The following ST18 variants were observed in gnomAD, a reference collection of about 807,000 sequenced individuals.
The protein encoded by ST18 is ST18 C2H2C-type zinc finger transcription factor, also known as suppression of tumorigenicity 18 protein.
In ST18, 50 loss-of-function variants were observed where a neutral mutation model predicts 110.0. The ratio of observed to expected loss-of-function variants is 0.45; its 90% CI spans 0.36 to 0.58. The LOEUF (loss-of-function observed/expected upper bound fraction) is 0.58, where lower values mean the gene tolerates loss of function less well. Among genes scored for constraint, ST18 ranks in the 20% least tolerant of loss-of-function variants. ST18 has a pLI of 0.00. For synonymous variants in ST18, 461 were observed against 452.4 expected, an observed-to-expected ratio of 1.02 and a Z score of -0.24; for missense variants, 1,306 against 1,280.1, an observed-to-expected ratio of 1.02 and a Z score of -0.31.
intron 8 of ST18, among the ~76,000 whole-genome samples, chr8:52,207,203 A>G (rs545660209): frequency 6.6e-6 from 1 of 152,354 alleles, no homozygotes; most frequent in African/African-American, 2.4e-5. Context: ...ATCTATAACT[A>G]GGCCAGGCAT....
intron 2 of ST18, among the ~76,000 whole-genome samples, chr8:52,234,066 T>C (rs913362235): frequency 1.3e-5 from 2 of 152,236 alleles, no homozygotes; most frequent in African/African-American, 4.8e-5. Flanking sequence ...CTTGGTTTTC[T>C]GTCCAAGGTA....
intron 23 of ST18, among the ~76,000 whole-genome samples, chr8:52,122,374 G>T (rs2045278456): frequency 6.6e-6 from 1 of 151,946 alleles, no homozygotes; most frequent in Non-Finnish European, 1.5e-5. Flanking sequence ...CAACTTATGA[G>T]GCTTTAAGTA....
chr8:52,192,730 C>T (rs1367418043), intron 8 of ST18, among the ~76,000 whole-genome samples: 1 of 152,182 alleles, frequency 6.6e-6, no homozygotes, highest in African/African-American at 2.4e-5. Flanking sequence ...CCAGTGACTA[C>T]TTAAAGGATT....
At chr8:52,130,014 C>G (rs752099136) in intron 22 of ST18, among the ~76,000 whole-genome samples, 17 of 150,294 alleles carry the variant, frequency 1.1e-4, no homozygotes, top group Non-Finnish European at 2.4e-4. Context: ...CCACTGCACT[C>G]CAGCATGGGC....
intron 16 of ST18, among the ~76,000 whole-genome samples, chr8:52,143,580 G>C (rs766966416): frequency 6.6e-6 from 1 of 152,202 alleles, no homozygotes; most frequent in African/African-American, 2.4e-5. Context: ...AAGTGTAATT[G>C]ATATGGAACA....
At chr8:52,123,773 T>C (rs746595385) in intron 23 of ST18, among the ~76,000 whole-genome samples, 2 of 152,228 alleles carry the variant, frequency 1.3e-5, no homozygotes, top group East Asian at 3.8e-4. Context: ...TGCAAGTCTA[T>C]TGTGGGTTCA....
intron 15 of ST18, among the ~76,000 whole-genome samples, chr8:52,154,041 A>C (rs879808845): frequency 2.0e-5 from 3 of 152,234 alleles, no homozygotes; most frequent in Non-Finnish European, 4.4e-5. Flanking sequence ...GAATACGAAA[A>C]GAGACATGTT....
intron 8 of ST18, among the ~76,000 whole-genome samples, chr8:52,210,722 C>T (rs1005194549): frequency 1.3e-5 from 2 of 151,748 alleles, no homozygotes; most frequent in Non-Finnish European, 2.9e-5. Flanking sequence ...ATTCTTAAGA[C>T]AAAATTGATT....
chr8:52,385,122 T>C (rs1412855954), intron 2 of ST18, among the ~76,000 whole-genome samples: 1 of 152,160 alleles, frequency 6.6e-6, no homozygotes, highest in African/African-American at 2.4e-5. Flanking sequence ...TCTAGAATAA[T>C]TGACATCTAA....
At chr8:52,226,731 T>C (rs2089576948) in intron 3 of ST18, among the ~76,000 whole-genome samples, 1 of 152,226 alleles carries the variant, frequency 6.6e-6, no homozygotes, top group Non-Finnish European at 1.5e-5. Flanking sequence ...AAATCTATAC[T>C]AAACAACCTG....
intron 8 of ST18, chr8:52,210,180 G>A (rs891552009): frequency 4.4e-6 from 2 of 455,494 alleles, no homozygotes; most frequent in Non-Finnish European, 8.8e-6. Context: ...TGGAGCACTG[G>A]GTCATTTTAA....
At chr8:52,142,707 G>GTGTT (rs1162437437) in intron 17 of ST18, among the ~76,000 whole-genome samples, 1 of 152,158 alleles carries the variant, frequency 6.6e-6, no homozygotes, top group Non-Finnish European at 1.5e-5. Flanking sequence ...ATTTCTAATT[G>GTGTT]TGTTATCTTA....
In ST18 at chr8:52,218,985, T is replaced by A. The variant is rs530897336; in HGVS notation, c.-156-1084A>T. Among the ~76,000 whole-genome samples the A allele has an allele frequency of 5.3e-5, 8 of 151,930 alleles. No individual in the cohort carries two copies. In the South Asian group the frequency reaches 8.3e-4, roughly 16 times the overall value. On this transcript the variant is annotated intron_variant, in intron 5 of 25. Transcript: ENST00000689386. ...CAAAAATCACGTTTTTTAAAAAAAA[T>A]GATGAAGAAAAACTCAAGAAGTTGG...
chr8:52,376,228 C>T (rs373013403), intron 2 of ST18, among the ~76,000 whole-genome samples: 12 of 152,226 alleles, frequency 7.9e-5, no homozygotes, highest in African/African-American at 2.9e-4. Flanking sequence ...TTACAGTGAC[C>T]TCTAAGGGAC....
Position 52,143,029 on chromosome 8 carries a change from G to C in ST18, c.2069C>G (p.Ser690Cys). ...CTTTTTTTCCTCTAAATTTTCTAGA[G>C]AGCTCACTGGGTCTTTCTGGAAAAC... ...EEEKEKDPVS[S>C]LENLEEKKFP... The change falls in exon 17 of 26, where the codon TCT (serine) becomes TGT (cysteine). Residue 690 changes from serine to cysteine, a missense_variant. By Grantham distance (112) the Ser-to-Cys change is moderately radical (BLOSUM62 -1). Coordinates refer to ENST00000689386, the MANE Select transcript of ST18 (RefSeq NM_001352837.2). The C allele has an allele frequency of 2.5e-6, 4 of 1,610,548 alleles. No individual in the cohort carries two copies. Among genetic ancestry groups the C allele is most frequent in the Non-Finnish European group, 3.4e-6 (4 of 1,176,882 alleles).
chr8:52,244,582 C>T (rs1298920567), intron 2 of ST18, among the ~76,000 whole-genome samples: 3 of 152,172 alleles, frequency 2.0e-5, no homozygotes, highest in East Asian at 3.8e-4. Context: ...ATAACTTCCT[C>T]TACCATTAAA....
intron 23 of ST18, among the ~76,000 whole-genome samples, chr8:52,121,505 G>GT (rs959687638): frequency 2.0e-5 from 3 of 152,078 alleles, no homozygotes; most frequent in African/African-American, 7.2e-5. Context: ...CATGCACACA[G>GT]TCTCTAAGAA....
At chr8:52,219,327 T>C (rs1470049511) in intron 5 of ST18, among the ~76,000 whole-genome samples, 4 of 152,088 alleles carry the variant, frequency 2.6e-5, no homozygotes, top group Non-Finnish European at 5.9e-5. Flanking sequence ...CTAGTTTTGT[T>C]TTCATGCATT....
chr8:52,133,235 C>T lies in ST18; in HGVS notation c.2363+4G>A, dbSNP rs765150499. The T allele has an allele frequency of 6.2e-7, 1 of 1,614,156 alleles. No homozygotes were observed. The highest frequency in any genetic ancestry group is 8.5e-7 in the Non-Finnish European group (1 of 1,180,040). On this transcript the variant is annotated splice_donor_region_variant and intron_variant, in intron 20 of 25. Coordinates refer to ENST00000689386, the MANE Select transcript of ST18 (RefSeq NM_001352837.2). ...CCACATCTCAGAAATAAGATCAATC[C>T]TACCTTCTGTGGGAAGCATAGTTTC...
Sources: allele counts gnomAD v4.1 joint callset (sites outside exome capture counted in the v4.1 genomes callset), GRCh38; gene constraint gnomAD v4.1.1; transcripts MANE v1.5; gene names NCBI Gene and HGNC (gene_info 2026-07-23, HGNC 2026-07-21).